MEI4: variants seen among roughly 807,000 people sequenced by gnomAD.
MEI4 encodes the protein meiosis-specific protein MEI4.
MEI4 carries 27 observed loss-of-function variants against 31.4 expected under a neutral mutation model. The observed-to-expected ratio is 0.86, with a 90% confidence interval of 0.63 to 1.19. MEI4 has a LOEUF of 1.19. Ranked by LOEUF, MEI4 falls within the 50% of genes most tolerant of loss-of-function variation. The pLI, the probability that MEI4 is intolerant of heterozygous loss-of-function variation, is 0.00. For synonymous variants in MEI4, 122 were observed against 145.4 expected, an observed-to-expected ratio of 0.84 and a Z score of 1.16; for missense variants, 329 against 398.9, an observed-to-expected ratio of 0.82 and a Z score of 1.49.
At chr6:77,828,868 CT>C (rs1402144221) in intron 3 of MEI4, 62 bp from the exon 4 acceptor site, 1 of 1,191,426 alleles carries the variant, frequency 8.4e-7, no homozygotes, top group African/African-American at 1.6e-5. Flanking sequence ...GTAGTAAGGT[CT>C]TAGAAAATAC....
At chr6:77,883,033 G>C (rs894001052) in intron 4 of MEI4, among the ~76,000 whole-genome samples, 1 of 151,710 alleles carries the variant, frequency 6.6e-6, no homozygotes, top group Non-Finnish European at 1.5e-5. Flanking sequence ...TGCTTATAAC[G>C]CATATGTCCA....
At chr6:77,652,574 G>A (rs1370006124), upstream of MEI4, among the ~76,000 whole-genome samples, 2 of 152,178 alleles carry the variant, frequency 1.3e-5, no homozygotes, top group Admixed American at 1.3e-4. Flanking sequence ...AGGTACAAAG[G>A]TTTGGTATGC....
rs190029125 is a variant in MEI4, at chr6:77,840,886, A to T, written c.900+11824A>T. Among the ~76,000 whole-genome samples, 228 of 152,320 alleles carry T rather than the reference A, an allele frequency of 1.5e-3. 7 individuals are homozygous for T. In the East Asian group the frequency reaches 0.034, roughly 23 times the overall value. ...GAACAACATCAAGTTGCTAAAAGCA[A>T]TAAACTGTCAACCTAGAATTCTACA... On this transcript the variant is annotated intron_variant, in intron 4 of 4. Coordinates refer to ENST00000684080, the MANE Select transcript of MEI4 (RefSeq NM_001322247.2).
At chr6:77,743,662 T>G (rs1272559027) in intron 2 of MEI4, among the ~76,000 whole-genome samples, 1 of 152,108 alleles carries the variant, frequency 6.6e-6, no homozygotes, top group African/African-American at 2.4e-5. Flanking sequence ...GCAGACTGCC[T>G]CCTCAAGTGG....
intron 1 of MEI4, among the ~76,000 whole-genome samples, chr6:77,676,174 T>C (rs1206789793): frequency 1.3e-5 from 2 of 152,202 alleles, no homozygotes; most frequent in Non-Finnish European, 2.9e-5. Context: ...ATGAAAATTA[T>C]TGGTTTATTT....
intron 4 of MEI4, among the ~76,000 whole-genome samples, chr6:77,843,330 G>A (rs1212931356): frequency 6.6e-6 from 1 of 151,836 alleles, no homozygotes; most frequent in Non-Finnish European, 1.5e-5. Flanking sequence ...CATCAGAAAA[G>A]CCAGAAAGGA....
chr6:77,708,929 A>G (rs1766393264), intron 2 of MEI4, among the ~76,000 whole-genome samples: 1 of 152,180 alleles, frequency 6.6e-6, no homozygotes, highest in Non-Finnish European at 1.5e-5. Flanking sequence ...TTCTTTATAA[A>G]TTATCCTGTT....
At chr6:77,751,746 A>T (rs750833688) in intron 2 of MEI4, among the ~76,000 whole-genome samples, 2 of 152,204 alleles carry the variant, frequency 1.3e-5, no homozygotes, top group Admixed American at 1.3e-4. Flanking sequence ...AAAACAGGGA[A>T]TCCTTCCTAA....
Position 77,742,355 on chromosome 6 carries a change from A to C in MEI4, c.233-18775A>C, listed in dbSNP as rs373870610. Among the ~76,000 whole-genome samples the C allele has an allele frequency of 1.0e-3, 158 of 151,720 alleles. 2 individuals carry two copies. In the East Asian group the frequency reaches 0.03, roughly 29 times the overall value. On this transcript the variant is annotated intron_variant, in intron 2 of 4. Coordinates refer to ENST00000684080, the MANE Select transcript of MEI4 (RefSeq NM_001322247.2). ...GTATCTCATTGTGGTTTTGATTTGCATTTCTCTGATGGCCAGTGATGGTGA... is the reference window on the plus strand; with the variant it reads ...GTATCTCATTGTGGTTTTGATTTGCCTTTCTCTGATGGCCAGTGATGGTGA...
At chr6:77,871,856 G>A (rs900492673) in intron 4 of MEI4, among the ~76,000 whole-genome samples, 3 of 151,972 alleles carry the variant, frequency 2.0e-5, no homozygotes, top group African/African-American at 7.3e-5. Flanking sequence ...AGATGTACAA[G>A]GACACAAAAC....
intron 2 of MEI4, among the ~76,000 whole-genome samples, chr6:77,754,933 A>G (rs9448201): frequency 0.01 from 1,573 of 152,268 alleles, 28 homozygotes; most frequent in African/African-American, 0.036. Flanking sequence ...TGTGGGTATT[A>G]CAGTTTGAGA....
At chr6:77,751,839 CT>C (rs1767783246) in intron 2 of MEI4, among the ~76,000 whole-genome samples, 1 of 152,128 alleles carries the variant, frequency 6.6e-6, no homozygotes, top group Non-Finnish European at 1.5e-5. Context: ...GCCAATATCC[CT>C]GATGAACATC....
At chr6:77,742,920 T>G (rs554164508) in intron 2 of MEI4, among the ~76,000 whole-genome samples, 3 of 152,176 alleles carry the variant, frequency 2.0e-5, no homozygotes, top group South Asian at 2.1e-4. Flanking sequence ...TGTCAAAGAT[T>G]AGATAGTTGT....
At position 77,920,087 on chromosome 6, in the gene MEI4, C is replaced by T. The variant is rs1463575517; in HGVS notation, c.901-3002C>T. Among the ~76,000 whole-genome samples, 423 of 149,104 alleles carry T rather than the reference C, an allele frequency of 2.8e-3. 10 individuals are homozygous for T. Among genetic ancestry groups the T allele is most frequent in the Admixed American group, 0.026 (379 of 14,826 alleles). ...CCAGAGGTACAAGGAGGAACTGGTACCATTCCTTCTGAAACTATTCCAATC... is the reference window on the plus strand; with the variant it reads ...CCAGAGGTACAAGGAGGAACTGGTATCATTCCTTCTGAAACTATTCCAATC... On this transcript the variant is annotated intron_variant, in intron 4 of 4. Transcript: ENST00000684080.
intron 1 of MEI4, among the ~76,000 whole-genome samples, chr6:77,663,539 T>C (rs1451719886): frequency 6.6e-6 from 1 of 152,034 alleles, no homozygotes; most frequent in Admixed American, 6.6e-5. Context: ...ATAAGGGAAC[T>C]GGGCAGGTGG....
chr6:77,915,748 T>C (rs1389623028), intron 4 of MEI4, among the ~76,000 whole-genome samples: 3 of 152,068 alleles, frequency 2.0e-5, no homozygotes, highest in African/African-American at 7.2e-5. Flanking sequence ...AGATCTTTTT[T>C]AATTCTGTCT....
intron 3 of MEI4, among the ~76,000 whole-genome samples, chr6:77,788,503 C>T (rs1461978697): frequency 6.6e-6 from 1 of 151,994 alleles, no homozygotes; most frequent in East Asian, 1.9e-4. Context: ...TCTAGAAAAC[C>T]CCATTGTCTC....
At chr6:77,814,792 C>T (rs1769651553) in intron 3 of MEI4, among the ~76,000 whole-genome samples, 1 of 152,042 alleles carries the variant, frequency 6.6e-6, no homozygotes, top group Non-Finnish European at 1.5e-5. Flanking sequence ...TCCCACTTTT[C>T]CCCTTTAAAT....
chr6:77,741,912 C>T lies in MEI4; in HGVS notation c.233-19218C>T, dbSNP rs575619983. On this transcript the variant is annotated intron_variant, in intron 2 of 4. Transcript: ENST00000684080. ...GTGACAGTTTACTGAGAATGATGATCTCCAGTTTCATCCATGTCCCTACAA... is the reference window on the plus strand; with the variant it reads ...GTGACAGTTTACTGAGAATGATGATTTCCAGTTTCATCCATGTCCCTACAA... Among the ~76,000 whole-genome samples, 282 of 151,688 alleles carry T rather than the reference C, an allele frequency of 1.9e-3. 1 individual carries two copies. The highest frequency in any genetic ancestry group is 4.6e-3 in the African/African-American group (191 of 41,354).
Sources: allele counts gnomAD v4.1 joint callset (sites outside exome capture counted in the v4.1 genomes callset), GRCh38; gene constraint gnomAD v4.1.1; transcripts MANE v1.5; gene names NCBI Gene and HGNC (gene_info 2026-07-23, HGNC 2026-07-21).